Variants in NAALADL2 observed in about 807,000 individuals in gnomAD.
The protein encoded by NAALADL2 is N-acetylated alpha-linked acidic dipeptidase like 2, also known as inactive N-acetylated-alpha-linked acidic dipeptidase-like protein 2.
NAALADL2 carries 76 observed loss-of-function variants against 87.2 expected under a neutral mutation model. The ratio of observed to expected loss-of-function variants is 0.87; its 90% CI spans 0.72 to 1.05. NAALADL2 has a LOEUF of 1.05. NAALADL2 is among the 50% of genes least tolerant of loss of function. The pLI, the probability that NAALADL2 is intolerant of heterozygous loss-of-function variation, is 0.00. For synonymous variants in NAALADL2, 354 were observed against 331.0 expected (o/e 1.07, Z -0.75); for missense variants, 1,089 against 945.8 (o/e 1.15, Z -1.99).
chr3:175,553,168 A>C (rs1041282201), intron 9 of NAALADL2, among the ~76,000 whole-genome samples: 6 of 152,152 alleles, frequency 3.9e-5, no homozygotes, highest in Admixed American at 2.0e-4. Flanking sequence ...AACTCATCTC[A>C]TATCTAAGTC....
intron 2 of NAALADL2, among the ~76,000 whole-genome samples, chr3:174,655,001 C>T (rs1724765270): frequency 6.6e-6 from 1 of 152,154 alleles, no homozygotes; most frequent in African/African-American, 2.4e-5. Flanking sequence ...TCCCAAAGTG[C>T]TGGGATTACA....
intron 1 of NAALADL2, among the ~76,000 whole-genome samples, chr3:174,447,822 TTAAAA>T (rs1263299140): frequency 6.6e-6 from 1 of 151,870 alleles, no homozygotes; most frequent in African/African-American, 2.4e-5. Context: ...CTCAAAAAAA[TTAAAA>T]TAAAATAAAA....
chr3:174,587,239 G>A (rs560192178), intron 2 of NAALADL2, among the ~76,000 whole-genome samples: 1 of 152,090 alleles, frequency 6.6e-6, no homozygotes, highest in African/African-American at 2.4e-5. Flanking sequence ...ATCATTGATG[G>A]ACATTTGGGT....
chr3:174,727,068 C>G (rs1372109331), intron 2 of NAALADL2, among the ~76,000 whole-genome samples: 1 of 152,020 alleles, frequency 6.6e-6, no homozygotes, highest in Non-Finnish European at 1.5e-5. Context: ...AAAGGTCATT[C>G]TCTCTTGAAA....
intron 13 of NAALADL2, among the ~76,000 whole-genome samples, chr3:175,774,430 T>G (rs540438730): frequency 2.5e-4 from 38 of 152,176 alleles, no homozygotes; most frequent in African/African-American, 8.7e-4. Context: ...AAACAAAAAT[T>G]TTTTAAATCC....
At chr3:174,657,262 C>T (rs144789286) in intron 2 of NAALADL2, among the ~76,000 whole-genome samples, 1 of 151,960 alleles carries the variant, frequency 6.6e-6, no homozygotes, top group Non-Finnish European at 1.5e-5. Flanking sequence ...TCCTGGGATC[C>T]TCAGCCTCCT....
chr3:174,555,689 G>A (rs761916931), intron 2 of NAALADL2, among the ~76,000 whole-genome samples: 3 of 152,158 alleles, frequency 2.0e-5, no homozygotes, highest in Non-Finnish European at 2.9e-5. Flanking sequence ...GAGGAACTGA[G>A]CAAGACCTCT....
intron 1 of NAALADL2, among the ~76,000 whole-genome samples, chr3:174,869,072 T>A (rs1223016722): frequency 6.6e-6 from 1 of 152,086 alleles, no homozygotes; most frequent in Non-Finnish European, 1.5e-5. Context: ...TGCTGGGAAT[T>A]TCTATTTAAA....
At chr3:175,090,728 G>T (rs1182023874) in intron 1 of NAALADL2, among the ~76,000 whole-genome samples, 3 of 152,050 alleles carry the variant, frequency 2.0e-5, no homozygotes, top group Non-Finnish European at 4.4e-5. Flanking sequence ...TATCCACTAT[G>T]CCTAAATTCA....
intron 5 of NAALADL2, among the ~76,000 whole-genome samples, chr3:175,403,672 C>A (rs1473671742): frequency 1.3e-5 from 2 of 152,000 alleles, no homozygotes; most frequent in Non-Finnish European, 2.9e-5. Flanking sequence ...CTACTCAAAT[C>A]ACAAACTTTG....
intron 2 of NAALADL2, among the ~76,000 whole-genome samples, chr3:174,720,663 T>C (rs1323306129): frequency 6.6e-6 from 1 of 152,156 alleles, no homozygotes; most frequent in East Asian, 1.9e-4. Context: ...AAAAAAATTA[T>C]CGTTACAAAA....
chr3:175,586,942 C>A (rs1560804724), intron 10 of NAALADL2, among the ~76,000 whole-genome samples: 1 of 152,112 alleles, frequency 6.6e-6, no homozygotes, highest in Non-Finnish European at 1.5e-5. Context: ...ACTAGGCAAA[C>A]CCCATTGACT....
chr3:174,967,304 T>C (rs1156990789), intron 1 of NAALADL2, among the ~76,000 whole-genome samples: 1 of 145,146 alleles, frequency 6.9e-6, no homozygotes, highest in African/African-American at 2.6e-5. Context: ...CATGTGGCAA[T>C]AAAATTTAGA....
At chr3:175,722,553 G>A (rs546244981) in intron 11 of NAALADL2, among the ~76,000 whole-genome samples, 4 of 152,156 alleles carry the variant, frequency 2.6e-5, no homozygotes, top group East Asian at 3.9e-4. Flanking sequence ...TTATCATAAC[G>A]AAGGTAAAAA....
intron 3 of NAALADL2, among the ~76,000 whole-genome samples, chr3:174,791,817 A>G (rs1717484037): frequency 6.6e-6 from 1 of 152,184 alleles, no homozygotes; most frequent in African/African-American, 2.4e-5. Context: ...TGTAAGCTCC[A>G]TAGAGGACAA....
chr3:175,383,043 T>C (rs542042112), intron 5 of NAALADL2, among the ~76,000 whole-genome samples: 2 of 152,042 alleles, frequency 1.3e-5, no homozygotes, highest in Non-Finnish European at 2.9e-5. Flanking sequence ...TCTTTTTAAG[T>C]TTTTAATTAT....
chr3:175,250,092 C>T (rs1414382361), intron 3 of NAALADL2, among the ~76,000 whole-genome samples: 1 of 151,540 alleles, frequency 6.6e-6, no homozygotes, highest in Admixed American at 6.6e-5. Flanking sequence ...ATCGCTTGAA[C>T]CCGGGAGTGG....
At chr3:174,479,499 A>T (rs1162210984) in intron 1 of NAALADL2, among the ~76,000 whole-genome samples, 1 of 152,114 alleles carries the variant, frequency 6.6e-6, no homozygotes, top group African/African-American at 2.4e-5. Flanking sequence ...TCTATAATCC[A>T]TACCTCTTAT....
At chr3:175,056,074 A>G (rs1324397579) in intron 1 of NAALADL2, among the ~76,000 whole-genome samples, 1 of 152,106 alleles carries the variant, frequency 6.6e-6, no homozygotes, top group Non-Finnish European at 1.5e-5. Flanking sequence ...GTGGTCGCCA[A>G]AGGTGCTGCT....
Sources: gnomAD v4.1 joint callset for allele counts (sites outside exome capture counted in the v4.1 genomes callset) on GRCh38, gnomAD v4.1.1 for gene constraint, MANE v1.5 for transcripts, NCBI Gene and HGNC (gene_info 2026-07-23, HGNC 2026-07-21) for gene names.